Variants in SMUG1 observed in about 807,000 individuals in gnomAD.
The protein encoded by SMUG1 is single-strand-selective monofunctional uracil-DNA glycosylase 1, also known as single-strand selective monofunctional uracil DNA glycosylase.
A neutral mutation model predicts 23.9 loss-of-function variants in SMUG1; 13 were observed. That is an observed-to-expected ratio of 0.54 (90% CI 0.35 to 0.86). The LOEUF is 0.86. SMUG1 is among the 40% of genes least tolerant of loss of function. The pLI is 0.01. For synonymous variants in SMUG1, 133 were observed against 139.8 expected (o/e 0.95, Z 0.34); for missense variants, 313 against 339.5 (o/e 0.92, Z 0.61).
intron 3 of SMUG1, 114 bp downstream of exon 3, chr12:54,183,542 G>A (rs747378728): frequency 3.0e-5 from 31 of 1,047,488 alleles, no homozygotes; most frequent in East Asian, 9.6e-5. Context: ...AGAATGGGGC[G>A]GGAGGACCTA....
chr12:54,170,624 T>C (rs1438323048), intron 3 of SMUG1, among the ~76,000 whole-genome samples: 1 of 152,070 alleles, frequency 6.6e-6, no homozygotes, highest in Non-Finnish European at 1.5e-5. Flanking sequence ...TGTGAGACAG[T>C]CTCACTCTGT....
intron 3 of SMUG1, chr12:54,168,657 G>C (rs1029993746): frequency 1.3e-5 from 2 of 152,194 alleles, no homozygotes; most frequent in African/African-American, 2.4e-5. Flanking sequence ...ACTCAGATTA[G>C]GTGTGCAGAC....
At chr12:54,161,681 C>T (rs1426704858), downstream of SMUG1, among the ~76,000 whole-genome samples, 1 of 152,198 alleles carries the variant, frequency 6.6e-6, no homozygotes, top group Non-Finnish European at 1.5e-5. This position sits in a 1 kb window ranked among gnomAD's most constrained non-coding sequence, Gnocchi z 4.2. Context: ...TTACCTTTTG[C>T]CTTCATCTGT....
At chr12:54,175,517 CAT>C (rs1302242761), downstream of SMUG1, among the ~76,000 whole-genome samples, 1 of 152,202 alleles carries the variant, frequency 6.6e-6, no homozygotes, top group Non-Finnish European at 1.5e-5. Flanking sequence ...ATATCCACTC[CAT>C]GGAGGTGGTA....
At chr12:54,167,359 G>C (rs565428631) in intron 3 of SMUG1, among the ~76,000 whole-genome samples, 1 of 152,088 alleles carries the variant, frequency 6.6e-6, no homozygotes, top group African/African-American at 2.4e-5. Context: ...TTTCCCAGAG[G>C]GAAAACAAAA....
In SMUG1 at chr12:54,182,615, A is replaced by G; in HGVS notation, c.294T>C (p.Phe98=). The change falls in exon 4 of 4, where the codon TTT becomes TTC. Residue 98 remains phenylalanine, a synonymous_variant. Transcript: ENST00000682136. ...PFGMAQTGVP[F]GEVSMVRDWL... is the part of the protein sequence containing the mutation. The stretch of plus-strand genomic sequence containing the variant: ...AGTCCCGGACCATGCTTACTTCCCC[A>G]AAGGGCACCTGTGAGGAAGGAGAGA... 1 of 1,607,708 alleles carries G rather than the reference A, an allele frequency of 6.2e-7. No homozygotes were observed. Among genetic ancestry groups the G allele is most frequent in the East Asian group, 2.2e-5 (1 of 44,752 alleles).
chr12:54,171,106 C>T (rs1385130395), intron 3 of SMUG1, among the ~76,000 whole-genome samples: 1 of 151,472 alleles, frequency 6.6e-6, no homozygotes, highest in African/African-American at 2.4e-5. Context: ...TCAAACATTT[C>T]TCCCTGCCTC....
At chr12:54,187,530 G>C (rs2279400) in intron 2 of SMUG1, among the ~76,000 whole-genome samples, 1 of 152,092 alleles carries the variant, frequency 6.6e-6, no homozygotes. Context: ...CTAGAATCTC[G>C]AGAAGTCTTG....
In SMUG1 at chr12:54,181,934, T is replaced by C. The variant is rs3136390; in HGVS notation, c.*162A>G. On this transcript the variant is annotated 3_prime_UTR_variant, in exon 4 of 4. Transcript: ENST00000682136. ...AACAGGAGTAGTGTCAAAACTGCCA[T>C]GGCAGGTTGGAAGACAGTTCAACAG... The C allele has an allele frequency of 5.5e-5, 81 of 1,466,430 alleles. No individual in the cohort carries two copies. Among genetic ancestry groups the C allele is most frequent in the Non-Finnish European group, 6.7e-5 (75 of 1,112,198 alleles). The allele number at this position is 1,466,430 out of a possible 1,614,324, so 90.8% of individuals were successfully genotyped here.
intron 3 of SMUG1, among the ~76,000 whole-genome samples, chr12:54,169,529 A>G (rs1251482785): frequency 2.0e-5 from 3 of 148,424 alleles, no homozygotes; most frequent in Non-Finnish European, 4.5e-5. Context: ...AAAAAAAGTG[A>G]TCTGGGGAGG....
downstream of SMUG1, among the ~76,000 whole-genome samples, chr12:54,160,182 A>C (rs1012328269): frequency 7.2e-5 from 11 of 152,264 alleles, no homozygotes; most frequent in Non-Finnish European, 1.6e-4. Context: ...GAAAGAAGAA[A>C]GAGAAAAGAG....
intron 3 of SMUG1, among the ~76,000 whole-genome samples, chr12:54,167,652 TC>T (rs1940513248): frequency 6.6e-6 from 1 of 152,150 alleles, no homozygotes; most frequent in African/African-American, 2.4e-5. Context: ...TGCAAAGCCC[TC>T]CTTAATGCAG....
chr12:54,188,063 A>C (rs1942866940), intron 1 of SMUG1, among the ~76,000 whole-genome samples, 161 bp from the exon 2 acceptor site: 1 of 151,954 alleles, frequency 6.6e-6, no homozygotes, highest in East Asian at 1.9e-4. Context: ...TTTATAAAAT[A>C]CGGTGTCATA....
chr12:54,168,499 A>G (rs903951996), intron 3 of SMUG1: 2 of 152,252 alleles, frequency 1.3e-5, no homozygotes, highest in East Asian at 3.8e-4. Flanking sequence ...GCAATACTCT[A>G]AAGAACCAGA....
chr12:54,170,127 G>C (rs1446649141), intron 3 of SMUG1, among the ~76,000 whole-genome samples: 1 of 151,984 alleles, frequency 6.6e-6, no homozygotes, highest in Non-Finnish European at 1.5e-5. Context: ...GAACCTGGGA[G>C]GCAGAGTTTG....
chr12:54,161,660 G>A (rs1023071970), downstream of SMUG1, among the ~76,000 whole-genome samples: 4 of 151,628 alleles, frequency 2.6e-5, no homozygotes, highest in Non-Finnish European at 5.9e-5. This position sits in a 1 kb window ranked among gnomAD's most constrained non-coding sequence, Gnocchi z 4.2. Context: ...CCATATTCCC[G>A]CCTCTCTCCT....
At chr12:54,188,258 C>A (rs1942923576) in intron 1 of SMUG1, among the ~76,000 whole-genome samples, 1 of 141,646 alleles carries the variant, frequency 7.1e-6, no homozygotes, top group Non-Finnish European at 1.5e-5. Flanking sequence ...TAATAAATAT[C>A]CTTAAACGAA....
chr12:54,166,318 G>A (rs1228789682), intron 3 of SMUG1, among the ~76,000 whole-genome samples: 2 of 152,164 alleles, frequency 1.3e-5, no homozygotes, highest in Admixed American at 6.5e-5. Flanking sequence ...CCTAGATCAC[G>A]CCATTGTACT....
At chr12:54,169,880 C>T (rs1297395132) in intron 3 of SMUG1, among the ~76,000 whole-genome samples, 1 of 152,156 alleles carries the variant, frequency 6.6e-6, no homozygotes, top group Non-Finnish European at 1.5e-5. Context: ...GCCCTGGCCA[C>T]CTAATGGCAG....
Sources: gnomAD v4.1 joint callset for allele counts (sites outside exome capture counted in the v4.1 genomes callset) on GRCh38, gnomAD v4.1.1 for gene constraint, Gnocchi (gnomAD v3.1) non-coding constraint, MANE v1.5 for transcripts, NCBI Gene and HGNC (gene_info 2026-07-23, HGNC 2026-07-21) for gene names.